LPP: variants seen among roughly 807,000 people sequenced by gnomAD.
The protein encoded by LPP is lipoma-preferred partner.
Under a neutral mutation model 60.4 loss-of-function variants are expected in LPP, and 38 were observed. The ratio of observed to expected loss-of-function variants is 0.63; its 90% CI spans 0.49 to 0.83. LPP has a LOEUF of 0.83. LPP is among the 40% of genes least tolerant of loss of function. LPP has a pLI of 0.00. For missense variants in LPP, 902 were observed against 783.6 expected (o/e 1.15, Z -1.80); for synonymous variants, 328 against 290.8 (o/e 1.13, Z -1.30).
chr3:188,256,917 A>G (rs914405440), intron 2 of LPP, among the ~76,000 whole-genome samples: 2 of 152,192 alleles, frequency 1.3e-5, no homozygotes, highest in Non-Finnish European at 2.9e-5. Context: ...TCTCACATTT[A>G]TCTCCTATTA....
chr3:188,855,530 G>A (rs1052388992), intron 9 of LPP, among the ~76,000 whole-genome samples: 1 of 152,202 alleles, frequency 6.6e-6, no homozygotes, highest in South Asian at 2.1e-4. Context: ...TCTGAGGATA[G>A]TAATGAAATT....
At chr3:188,313,553 G>T (rs62291424) in intron 2 of LPP, among the ~76,000 whole-genome samples, 1 of 151,382 alleles carries the variant, frequency 6.6e-6, no homozygotes, top group Non-Finnish European at 1.5e-5. Context: ...CAGGAGAATC[G>T]CTTGAACTGG....
At chr3:188,396,470 A>G (rs1475715291) in intron 3 of LPP, among the ~76,000 whole-genome samples, 1 of 152,244 alleles carries the variant, frequency 6.6e-6, no homozygotes, top group East Asian at 1.9e-4. Context: ...TACAAGTTTG[A>G]ACAAGCTGTC....
chr3:188,199,876 A>C (rs996172350), intron 1 of LPP, among the ~76,000 whole-genome samples: 1 of 151,030 alleles, frequency 6.6e-6, no homozygotes, highest in African/African-American at 2.4e-5. Context: ...CACCATGCCC[A>C]GCTAACTTTT....
chr3:188,524,785 C>T lies in LPP; in HGVS notation c.427C>T (p.Gln143Ter). 2.5e-6 allele frequency: 4 copies of T among 1,613,234 alleles called. No homozygotes were observed. Among genetic ancestry groups the T allele is most frequent in the Non-Finnish European group, 3.4e-6 (4 of 1,179,614 alleles). The change falls in exon 6 of 12, where the codon CAG (glutamine) becomes TAG (stop). Residue 143 changes from glutamine to a stop codon, truncating the protein, a stop_gained and splice_region_variant. Transcript: ENST00000617246. LOFTEE classifies it high-confidence loss of function. ...CTCCCCCTATAAGCCTCGGCCTCCA[C>T]AGGTTAGTGCAGCCCACAATCATCT... ...CSSPYKPRPP[Q>*]SSTGSTASPP...
At position 188,514,841 on chromosome 3, in the gene LPP, C is replaced by T. The variant is rs1341862660; in HGVS notation, c.307-9824C>T. Among the ~76,000 whole-genome samples the T allele has an allele frequency of 3.3e-5, 5 of 152,250 alleles. No homozygotes were observed. The East Asian group carries it at 9.7e-4, about 29-fold the overall frequency. On this transcript the variant is annotated intron_variant, in intron 5 of 11. Coordinates refer to ENST00000617246, the MANE Select transcript of LPP (RefSeq NM_001375462.1). Reference sequence around the variant, plus strand: ...ACTGTCCAAAAGTTAGGTTCACCAGCCTATTTATGGACCCTTGGTTCTGTG... The same window carrying T: ...ACTGTCCAAAAGTTAGGTTCACCAGTCTATTTATGGACCCTTGGTTCTGTG...
chr3:188,416,643 T>C (rs3846182), intron 4 of LPP, among the ~76,000 whole-genome samples: 151,672 of 152,330 alleles, frequency 1, 75,514 homozygotes, highest in Non-Finnish European at 1. Flanking sequence ...CTAGAGCATC[T>C]TTCATGTTGC....
At chr3:188,494,903 C>T (rs1219637556) in intron 5 of LPP, among the ~76,000 whole-genome samples, 3 of 151,032 alleles carry the variant, frequency 2.0e-5, no homozygotes, top group Non-Finnish European at 4.4e-5. Context: ...ATGTAATTGA[C>T]ATGTCCTAAA....
intron 7 of LPP, among the ~76,000 whole-genome samples, chr3:188,695,662 G>A (rs1435606229): frequency 6.6e-6 from 1 of 152,176 alleles, no homozygotes; most frequent in African/African-American, 2.4e-5. Flanking sequence ...CTTGTGAAAT[G>A]TTATACAAAA....
At chr3:188,697,557 T>C (rs1863520484) in intron 7 of LPP, among the ~76,000 whole-genome samples, 3 of 152,178 alleles carry the variant, frequency 2.0e-5, no homozygotes, top group Non-Finnish European at 4.4e-5. Context: ...TTGTCCACAC[T>C]TTGGGCTCTC....
chr3:188,165,893 C>G (rs571044207), intron 1 of LPP, among the ~76,000 whole-genome samples: 5 of 152,320 alleles, frequency 3.3e-5, no homozygotes, highest in African/African-American at 1.2e-4. Flanking sequence ...CTGAGGTGAT[C>G]TCGTCTGCCC....
chr3:188,415,585 G>A (rs1786008128), intron 4 of LPP, among the ~76,000 whole-genome samples: 1 of 151,902 alleles, frequency 6.6e-6, no homozygotes, highest in Non-Finnish European at 1.5e-5. Context: ...GTCTGGTACA[G>A]CCATACAATG....
At chr3:188,659,837 CACAT>C (rs66846081) in intron 7 of LPP, among the ~76,000 whole-genome samples, 48,152 of 148,588 alleles carry the variant, frequency 0.32, 8,736 homozygotes, top group East Asian at 0.74. Flanking sequence ...CACACACACA[CACAT>C]CATTTAAGAA....
intron 1 of LPP, among the ~76,000 whole-genome samples, chr3:188,174,290 A>G (rs767327137): frequency 6.6e-6 from 1 of 152,228 alleles, no homozygotes; most frequent in Non-Finnish European, 1.5e-5. Context: ...ACAATACTAC[A>G]TTATGTTACA....
intron 2 of LPP, among the ~76,000 whole-genome samples, chr3:188,288,478 A>C (rs1336791539): frequency 6.6e-6 from 1 of 151,802 alleles, no homozygotes; most frequent in East Asian, 1.9e-4. Context: ...TGGAGGTGTA[A>C]AAACTAGTCT....
chr3:188,296,332 A>T (rs1747869516), intron 2 of LPP, among the ~76,000 whole-genome samples: 1 of 152,106 alleles, frequency 6.6e-6, no homozygotes, highest in East Asian at 1.9e-4. Context: ...GATTCGGGGG[A>T]TGGAGGAATC....
chr3:188,756,167 G>C (rs181217882), intron 8 of LPP, among the ~76,000 whole-genome samples: 21 of 152,274 alleles, frequency 1.4e-4, no homozygotes, highest in Middle Eastern at 3.4e-3. Flanking sequence ...GCTATAGATG[G>C]GAGAGCAGAG....
intron 4 of LPP, among the ~76,000 whole-genome samples, chr3:188,428,179 C>A (rs949209440): frequency 2.0e-5 from 3 of 152,098 alleles, no homozygotes; most frequent in African/African-American, 4.8e-5. Flanking sequence ...AATTCCCTGA[C>A]CCCTTGTGCT....
At chr3:188,675,772 G>A (rs1857929514) in intron 7 of LPP, among the ~76,000 whole-genome samples, 1 of 152,122 alleles carries the variant, frequency 6.6e-6, no homozygotes, top group Non-Finnish European at 1.5e-5. Flanking sequence ...CATTACATAG[G>A]CATATATTAA....
Sources: allele counts gnomAD v4.1 joint callset (sites outside exome capture counted in the v4.1 genomes callset), GRCh38; gene constraint gnomAD v4.1.1; transcripts MANE v1.5; gene names NCBI Gene and HGNC (gene_info 2026-07-23, HGNC 2026-07-21).